Variants in ZNF362 observed in about 807,000 individuals in gnomAD.
ZNF362 encodes the protein zinc finger protein 362, also known as rotund homolog.
In ZNF362, 11 loss-of-function variants were observed where a neutral mutation model predicts 42.9. The observed-to-expected ratio is 0.26, with a 90% confidence interval of 0.16 to 0.42. The LOEUF is 0.42. Among genes scored for constraint, ZNF362 ranks in the 20% least tolerant of loss-of-function variants. The pLI, the probability that ZNF362 is intolerant of heterozygous loss-of-function variation, is 1.00. For synonymous variants in ZNF362, 255 were observed against 257.3 expected (o/e 0.99, Z 0.09); for missense variants, 362 against 576.2 (o/e 0.63, Z 3.81).
chr1:33,149,841 A>C, the ZNF362 span, among the ~76,000 whole-genome samples: 2 of 152,098 alleles, frequency 1.3e-5, no homozygotes, highest in Non-Finnish European at 2.9e-5. Flanking sequence ...CCCCATTTGC[A>C]CCAAGAGGGC....
chr1:33,212,482 A>G, the ZNF362 span, among the ~76,000 whole-genome samples: 12 of 152,138 alleles, frequency 7.9e-5, no homozygotes, highest in African/African-American at 2.9e-4. Context: ...CCAAGACTGG[A>G]TAGTTTATAA....
chr1:33,256,043 C>T (rs1387121923), upstream of ZNF362, among the ~76,000 whole-genome samples: 1 of 151,548 alleles, frequency 6.6e-6, no homozygotes, highest in East Asian at 2.0e-4. Flanking sequence ...GGGGAAGGGG[C>T]TGTCCTAGGG....
chr1:33,250,910 G>T, the ZNF362 span, among the ~76,000 whole-genome samples: 2 of 152,134 alleles, frequency 1.3e-5, no homozygotes, highest in Non-Finnish European at 2.9e-5. Flanking sequence ...AGAAGAAGGT[G>T]CATGGTTGAT....
At chr1:33,176,698 T>A in the ZNF362 span, 3 of 405,420 alleles carry the variant, frequency 7.4e-6, no homozygotes, top group Non-Finnish European at 1.3e-5. Context: ...CCCTCAGAGG[T>A]AGCTCAGGGA....
At chr1:33,283,758 T>G (rs1570402721) in intron 6 of ZNF362, among the ~76,000 whole-genome samples, 1 of 152,192 alleles carries the variant, frequency 6.6e-6, no homozygotes, top group South Asian at 2.1e-4. Context: ...CAGGGCCAGG[T>G]GTCAGTCTGT....
chr1:33,180,484 T>C, the ZNF362 span, among the ~76,000 whole-genome samples: 1 of 152,090 alleles, frequency 6.6e-6, no homozygotes, highest in African/African-American at 2.4e-5. Context: ...GGTTTCACCC[T>C]CACCTGTCCA....
In ZNF362 at chr1:33,276,374, G is replaced by A. The variant is rs1372106903; in HGVS notation, c.129G>A (p.Lys43=). The A allele has an allele frequency of 1.3e-6, 2 of 1,564,584 alleles. No individual in the cohort carries two copies. Among genetic ancestry groups the A allele is most frequent in the Non-Finnish European group, 1.7e-6 (2 of 1,154,456 alleles). The change falls in exon 4 of 9, where the codon AAG becomes AAA. Residue 43 remains lysine, a synonymous_variant. Transcript: ENST00000539719. ...SQLDNLVLIN[K]IKEQLMAEKI... ...TGGACAACCTGGTTCTGATTAACAA[G>A]ATCAAGGAGCAGCTGATGGCCGAGA...
chr1:33,233,362 A>G, the ZNF362 span, among the ~76,000 whole-genome samples: 1 of 150,846 alleles, frequency 6.6e-6, no homozygotes, highest in Non-Finnish European at 1.5e-5. Context: ...TTTTCTCTGC[A>G]TGCCTGCAAT....
the ZNF362 span, among the ~76,000 whole-genome samples, chr1:33,248,027 C>T: frequency 6.6e-6 from 1 of 152,222 alleles, no homozygotes; most frequent in Non-Finnish European, 1.5e-5. Context: ...GCTTCTAATC[C>T]TGGCACACTG....
the ZNF362 span, among the ~76,000 whole-genome samples, chr1:33,239,482 AGACT>A: frequency 6.6e-6 from 1 of 152,212 alleles, no homozygotes; most frequent in Non-Finnish European, 1.5e-5. Context: ...GAAATACCCG[AGACT>A]GACTAATTTA....
chr1:33,189,937 C>T, the ZNF362 span, among the ~76,000 whole-genome samples: 1 of 151,594 alleles, frequency 6.6e-6, no homozygotes, highest in Non-Finnish European at 1.5e-5. Context: ...GGCAAAGACT[C>T]CATTTATCAT....
At chr1:33,271,538 G>A (rs1314528950) in intron 2 of ZNF362, among the ~76,000 whole-genome samples, 1 of 152,208 alleles carries the variant, frequency 6.6e-6, no homozygotes, top group Non-Finnish European at 1.5e-5. Flanking sequence ...ATTGGAACCC[G>A]GGTATGTTGG....
intron 6 of ZNF362, chr1:33,282,050 G>T (rs1290528230): frequency 1.8e-6 from 1 of 553,732 alleles, no homozygotes; most frequent in African/African-American, 1.9e-5. Flanking sequence ...CCCCTCTCCC[G>T]CTTTTCCCTG....
At chr1:33,218,932 T>TACACACACACAC in the ZNF362 span, among the ~76,000 whole-genome samples, 69 of 121,072 alleles carry the variant, frequency 5.7e-4, no homozygotes, top group Non-Finnish European at 7.9e-4. Context: ...GAGCTGGACA[T>TACACACACACAC]ACACACACAC....
chr1:33,193,221 A>C, the ZNF362 span, among the ~76,000 whole-genome samples: 1 of 152,218 alleles, frequency 6.6e-6, no homozygotes, highest in Admixed American at 6.5e-5. Context: ...ACCTGGAAGC[A>C]ATTGTAATCA....
At chr1:33,285,503 A>AG (rs1416513849) in intron 6 of ZNF362, among the ~76,000 whole-genome samples, 1 of 152,210 alleles carries the variant, frequency 6.6e-6, no homozygotes, top group African/African-American at 2.4e-5. Flanking sequence ...CTAATTGTTT[A>AG]GGGCATTCTA....
At chr1:33,160,945 T>C in the ZNF362 span, among the ~76,000 whole-genome samples, 1 of 152,208 alleles carries the variant, frequency 6.6e-6, no homozygotes, top group East Asian at 1.9e-4. Context: ...CCAAGGGCAC[T>C]GTGAGGCTCA....
intron 1 of ZNF362, among the ~76,000 whole-genome samples, chr1:33,257,426 C>CT (rs921311790): frequency 0.046 from 6,285 of 136,882 alleles, 179 homozygotes; most frequent in South Asian, 0.088. Context: ...TTCTTTCTTT[C>CT]TTTTTTTTTT....
At chr1:33,169,691 G>A in the ZNF362 span, among the ~76,000 whole-genome samples, 1 of 152,180 alleles carries the variant, frequency 6.6e-6, no homozygotes, top group Non-Finnish European at 1.5e-5. Flanking sequence ...TACGACACAC[G>A]TGGCTATTTA....
Sources: allele counts gnomAD v4.1 joint callset (sites outside exome capture counted in the v4.1 genomes callset), GRCh38; gene constraint gnomAD v4.1.1; transcripts MANE v1.5; gene names NCBI Gene and HGNC (gene_info 2026-07-23, HGNC 2026-07-21).